Variants in CSMD3 observed in about 807,000 individuals in gnomAD.
CSMD3 encodes the protein CUB and Sushi multiple domains 3, also known as CUB and sushi domain-containing protein 3.
A neutral mutation model predicts 435.2 loss-of-function variants in CSMD3; 177 were observed. The observed-to-expected ratio is 0.41, with a 90% CI of 0.36 to 0.46. The LOEUF is 0.46. CSMD3 is among the 20% of genes least tolerant of loss of function. The pLI is 0.34. For synonymous variants in CSMD3, 1,656 were observed against 1,520.5 expected, an observed-to-expected ratio of 1.09 and a Z score of -2.07; for missense variants, 4,265 against 4,504.6, an observed-to-expected ratio of 0.95 and a Z score of 1.52.
rs2130931598 is a variant in CSMD3, at chr8:112,506,767, G to C, written c.4819C>G (p.Pro1607Ala). Residue 1607 changes from proline (P) to alanine (A), a missense_variant, in exon 29 of 71, where the codon CCA becomes GCA. Pro to Ala is a conservative substitution (Grantham distance 27). Transcript: ENST00000297405. ...TCACAGTCTCTGCTATGCGGATATG[G>C]ATGAGGGAAGTTTGGTGAAAGAATA... ...GFILSPNFPH[P>A]YPHSRDCDWT... The C allele has an allele frequency of 8.7e-6, 14 of 1,613,588 alleles. No individual in the cohort carries two copies. The highest frequency in any genetic ancestry group is 1.3e-5 in the African/African-American group (1 of 75,012).
rs2130852939 is a variant in CSMD3, at chr8:112,492,550, G to C, written c.5217C>G (p.Leu1739=). Residue 1739 remains leucine, a synonymous_variant, in exon 31 of 71, where the codon CTC becomes CTG. Coordinates refer to ENST00000297405, the MANE Select transcript of CSMD3 (RefSeq NM_198123.2). ...AGYVLQGYST[L]TCIMGDDGRP... Reference sequence around the variant, plus strand: ...TTCCATCATCTCCCATGATACAGGTGAGTGTTGAATAACCTTGAAGAACAT... The same window carrying C: ...TTCCATCATCTCCCATGATACAGGTCAGTGTTGAATAACCTTGAAGAACAT... The C allele has an allele frequency of 6.2e-7, 1 of 1,613,792 alleles. No homozygotes were observed. The highest frequency in any genetic ancestry group is 2.2e-5 in the East Asian group (1 of 44,844).
chr8:112,364,783 T>C (rs918687543), intron 38 of CSMD3, among the ~76,000 whole-genome samples: 1 of 152,042 alleles, frequency 6.6e-6, no homozygotes, highest in African/African-American at 2.4e-5. Flanking sequence ...TAAAAATGAT[T>C]ATGCATGATA....
chr8:112,480,615 A>G (rs1819539451), intron 31 of CSMD3, among the ~76,000 whole-genome samples: 1 of 152,048 alleles, frequency 6.6e-6, no homozygotes, highest in Admixed American at 6.6e-5. Flanking sequence ...TTAACCATGT[A>G]GCACCTTCCC....
chr8:113,386,166 G>A (rs531785443), intron 1 of CSMD3, among the ~76,000 whole-genome samples: 8 of 152,124 alleles, frequency 5.3e-5, no homozygotes, highest in African/African-American at 1.4e-4. Context: ...AGGAGAAGAT[G>A]TGCCAGTGTT....
chr8:112,885,299 C>G (rs1275450300), intron 10 of CSMD3, among the ~76,000 whole-genome samples: 3 of 151,182 alleles, frequency 2.0e-5, no homozygotes, highest in Non-Finnish European at 3.0e-5. Flanking sequence ...AACAGAGGAG[C>G]CTTCTAAGAA....
intron 60 of CSMD3, among the ~76,000 whole-genome samples, chr8:112,264,061 T>C (rs528703264): frequency 3.9e-5 from 6 of 152,152 alleles, no homozygotes; most frequent in Non-Finnish European, 8.8e-5. Flanking sequence ...AATAGCAAGC[T>C]GCCTGACATC....
chr8:112,803,321 G>A (rs1467278876), intron 12 of CSMD3, among the ~76,000 whole-genome samples: 1 of 152,034 alleles, frequency 6.6e-6, no homozygotes, highest in African/African-American at 2.4e-5. Context: ...AGTTCTCCTA[G>A]TTAGTGTATT....
At chr8:112,295,499 A>C (rs974304839) in intron 54 of CSMD3, among the ~76,000 whole-genome samples, 1 of 152,094 alleles carries the variant, frequency 6.6e-6, no homozygotes, top group African/African-American at 2.4e-5. Context: ...ATACAGCTAC[A>C]CAGTGGTCTC....
chr8:112,398,163 C>G (rs1330114240), intron 35 of CSMD3, among the ~76,000 whole-genome samples: 2 of 152,162 alleles, frequency 1.3e-5, no homozygotes, highest in African/African-American at 4.8e-5. Flanking sequence ...CAAGAAGAAT[C>G]TCTTTGATTC....
chr8:112,291,618 C>T lies in CSMD3; in HGVS notation c.8866G>A (p.Gly2956Ser), dbSNP rs760700366. 7 of 1,610,872 alleles carry T rather than the reference C, an allele frequency of 4.3e-6. No individual in the cohort carries two copies. Among genetic ancestry groups the T allele is most frequent in the African/African-American group, 1.3e-5 (1 of 74,850 alleles). ...TTGCAGTCATAGAATACCACAGTGC[C>T]GTAAGTAAAATTTCCATGTTCTATT... Reference protein sequence around the residue: ...SKIEHGNFTYGTVVFYDCNPG... With the variant: ...SKIEHGNFTYSTVVFYDCNPG... The change falls in exon 56 of 71, where the codon GGC becomes AGC. Residue 2956 changes from glycine (G) to serine (S), a missense_variant. Transcript: ENST00000297405.
chr8:112,886,339 TTCTG>T (rs1023545867), intron 10 of CSMD3, among the ~76,000 whole-genome samples: 17 of 151,620 alleles, frequency 1.1e-4, no homozygotes, highest in South Asian at 2.1e-4. Context: ...GAAATGTTTC[TTCTG>T]TCTTTTTCTT....
At chr8:112,907,244 T>C (rs953847284) in intron 10 of CSMD3, among the ~76,000 whole-genome samples, 1 of 151,482 alleles carries the variant, frequency 6.6e-6, no homozygotes, top group African/African-American at 2.4e-5. Flanking sequence ...GGACTGACAG[T>C]CTTATTTCCA....
chr8:113,422,559 T>C (rs1001605943), intron 1 of CSMD3, among the ~76,000 whole-genome samples: 2 of 152,074 alleles, frequency 1.3e-5, no homozygotes, highest in African/African-American at 4.8e-5. Context: ...TAGAATTTCA[T>C]GGAAAGGTAG....
intron 3 of CSMD3, among the ~76,000 whole-genome samples, chr8:113,214,525 T>C (rs1158939778): frequency 6.6e-6 from 1 of 151,946 alleles, no homozygotes; most frequent in Non-Finnish European, 1.5e-5. Flanking sequence ...TTCTGGTCTT[T>C]TGAGTTATCT....
At chr8:113,208,345 G>A (rs538282039) in intron 3 of CSMD3, among the ~76,000 whole-genome samples, 1 of 152,202 alleles carries the variant, frequency 6.6e-6, no homozygotes, top group South Asian at 2.1e-4. Flanking sequence ...GTGACCCAAG[G>A]CAAGTTTCTT....
intron 5 of CSMD3, among the ~76,000 whole-genome samples, chr8:113,058,059 G>T (rs1293692221): frequency 2.0e-5 from 3 of 151,762 alleles, no homozygotes; most frequent in African/African-American, 7.2e-5. Flanking sequence ...TTTTAAAACT[G>T]AATATGCTGT....
At chr8:112,797,072 T>C (rs993010209) in intron 13 of CSMD3, among the ~76,000 whole-genome samples, 5 of 151,990 alleles carry the variant, frequency 3.3e-5, no homozygotes, top group Non-Finnish European at 4.4e-5. Context: ...CCAAACTCCA[T>C]AGAAAAAAGC....
chr8:112,929,939 A>T (rs1009161024), intron 9 of CSMD3, among the ~76,000 whole-genome samples: 1 of 152,132 alleles, frequency 6.6e-6, no homozygotes, highest in African/African-American at 2.4e-5. Flanking sequence ...TTAAATGAAG[A>T]TCTATGTTTG....
chr8:112,271,109 G>A (rs535477156), intron 59 of CSMD3, among the ~76,000 whole-genome samples: 2 of 151,872 alleles, frequency 1.3e-5, no homozygotes, highest in African/African-American at 4.8e-5. Context: ...AAGATTCAAC[G>A]AGCACTCTTG....
Sources: allele counts gnomAD v4.1 joint callset (sites outside exome capture counted in the v4.1 genomes callset), GRCh38; gene constraint gnomAD v4.1.1; transcripts MANE v1.5; gene names NCBI Gene and HGNC (gene_info 2026-07-23, HGNC 2026-07-21).